Variants in ARNT2 observed in about 807,000 individuals in gnomAD.
ARNT2 encodes ARNT protein 2.
A neutral mutation model predicts 91.7 loss-of-function variants in ARNT2; 36 were observed. That is an observed-to-expected ratio of 0.39 (90% CI 0.30 to 0.52). The LOEUF (loss-of-function observed/expected upper bound fraction) is 0.52. Among genes scored for constraint, ARNT2 ranks in the 20% least tolerant of loss-of-function variants. ARNT2 has a pLI of 0.72. For missense variants in ARNT2, 775 were observed against 939.3 expected (o/e 0.83, Z 2.29); for synonymous variants, 365 against 347.1 (o/e 1.05, Z -0.57).
intron 1 of ARNT2, among the ~76,000 whole-genome samples, chr15:80,431,055 C>T (rs771066325): frequency 5.3e-5 from 8 of 152,082 alleles, no homozygotes; most frequent in East Asian, 1.9e-4. Context: ...TCCAATGTCA[C>T]GATCCCCCCA....
At position 80,522,818 on chromosome 15, in the gene ARNT2, G is replaced by GTA. The variant is rs1346650426; in HGVS notation, c.877+8414_877+8415insAT. On this transcript the variant is annotated intron_variant, in intron 8 of 18. Coordinates refer to ENST00000303329, the MANE Select transcript of ARNT2 (RefSeq NM_014862.4). ...TACATATGTGTGTGTGTGTGTGTGT[G>GTA]TGTATATATATATATATACACACAT... Among the ~76,000 whole-genome samples the GTA allele has an allele frequency of 5.9e-4, 66 of 112,222 alleles. 1 individual carries two copies. Among genetic ancestry groups the GTA allele is most frequent in the African/African-American group, 1.3e-3 (35 of 27,626 alleles). 73.6% of individuals were successfully genotyped at this position (112,222 alleles called of 152,430 possible).
intron 3 of ARNT2, among the ~76,000 whole-genome samples, chr15:80,467,843 T>C (rs1248861526): frequency 6.6e-6 from 1 of 152,098 alleles, no homozygotes; most frequent in Non-Finnish European, 1.5e-5. Context: ...GCAGGAGACG[T>C]TGGTGAAGAC....
intron 13 of ARNT2, among the ~76,000 whole-genome samples, 179 bp from the exon 14 acceptor site, chr15:80,574,808 C>T (rs1352005342): frequency 5.3e-5 from 8 of 152,176 alleles, no homozygotes; most frequent in East Asian, 1.9e-4. Flanking sequence ...ACCCCCTCAC[C>T]GGCTTTTCTT....
chr15:80,547,042 C>G (rs1462484277), intron 8 of ARNT2, among the ~76,000 whole-genome samples: 1 of 151,624 alleles, frequency 6.6e-6, no homozygotes, highest in Non-Finnish European at 1.5e-5. Flanking sequence ...TAAAAAGAGA[C>G]AAGATGAGGT....
intron 1 of ARNT2, among the ~76,000 whole-genome samples, chr15:80,408,481 T>C (rs1895634572): frequency 6.6e-6 from 1 of 152,216 alleles, no homozygotes; most frequent in South Asian, 2.1e-4. Context: ...CATTTTGCGC[T>C]GATGGCTGGC....
At position 80,536,458 on chromosome 15, in the gene ARNT2, G is replaced by GGGGGGAAAT. The variant is rs1897825102; in HGVS notation, c.878-14738_878-14737insGGAAATGGG. Among the ~76,000 whole-genome samples, 4 of 152,190 alleles carry GGGGGGAAAT rather than the reference G, an allele frequency of 2.6e-5. 1 individual carries two copies. The South Asian group carries it at 8.3e-4, about 32-fold the overall frequency. ...ACTGTGCACCTGGTTGACAAGGAAA[G>GGGGGGAAAT]GGGAAGATGGAGCCACCCTATTGGA... is the stretch of plus-strand genomic sequence containing the variant. On this transcript the variant is annotated intron_variant, in intron 8 of 18. Transcript: ENST00000303329.
chr15:80,485,357 A>T (rs1291426624), intron 5 of ARNT2, among the ~76,000 whole-genome samples: 2 of 152,174 alleles, frequency 1.3e-5, no homozygotes, highest in Non-Finnish European at 2.9e-5. Context: ...TCATTCATCC[A>T]TTCATCCAGC....
rs972977320 is a variant in ARNT2 at position 80,491,132 on chromosome 15, G to T, written c.622+15909G>T. Among the ~76,000 whole-genome samples the T allele has an allele frequency of 9.2e-5, 14 of 152,278 alleles. 2 individuals are homozygous for T. The highest frequency in any genetic ancestry group is 2.0e-4 in the Admixed American group (3 of 15,302). ...GCATAGCATGTGAAAAGGCTCTGGGGCAGGGAAGGTATTGGTGGCTCTGGG... is the reference window on the plus strand; with the variant it reads ...GCATAGCATGTGAAAAGGCTCTGGGTCAGGGAAGGTATTGGTGGCTCTGGG... On this transcript the variant is annotated intron_variant, in intron 5 of 18. Coordinates refer to ENST00000303329, the MANE Select transcript of ARNT2 (RefSeq NM_014862.4).
At chr15:80,468,428 C>T (rs762528920) in intron 3 of ARNT2, among the ~76,000 whole-genome samples, 1 of 152,140 alleles carries the variant, frequency 6.6e-6, no homozygotes, top group Admixed American at 6.5e-5. Flanking sequence ...CTCCTCGGCC[C>T]CTCTACTCCA....
chr15:80,525,289 T>C lies in ARNT2; in HGVS notation c.877+10884T>C, dbSNP rs565983223. Among the ~76,000 whole-genome samples the C allele has an allele frequency of 2.6e-5, 4 of 152,306 alleles. No homozygotes were observed. In the South Asian group the frequency reaches 8.3e-4, roughly 32 times the overall value. On this transcript the variant is annotated intron_variant, in intron 8 of 18. Coordinates refer to ENST00000303329, the MANE Select transcript of ARNT2 (RefSeq NM_014862.4). ...GTTCTGGAAAACAACACCATCTCCA[T>C]ACATGATGATAATAGCATGCCTACA...
rs1898102258 is a variant in ARNT2 at position 80,552,648 on chromosome 15, C to T, written c.963C>T (p.Ser321=). The change falls in exon 10 of 19, where the codon AGC becomes AGT. Residue 321 remains serine (S), a synonymous_variant. Transcript: ENST00000303329. ...LVAIGRLQVT[S]SPVCMDMNGM... ...GATTTTCCCCATCCCAGGTGACCAG[C>T]TCTCCTGTATGCATGGACATGAATG... 1.2e-6 allele frequency: 2 copies of T among 1,614,000 alleles called. No individual in the cohort carries two copies. Among genetic ancestry groups the T allele is most frequent in the Non-Finnish European group, 1.7e-6 (2 of 1,179,930 alleles).
Position 80,594,737 on chromosome 15 carries a change from G to C in ARNT2, c.*1039G>C, listed in dbSNP as rs963519722. The C allele has an allele frequency of 2.6e-5, 4 of 152,380 alleles. No homozygotes were observed. The allele number at this position is 152,380 out of a possible 1,614,324, so 9.4% of individuals were successfully genotyped here. ...CTGCCCAGAGCCTGCAGGACAGCAC[G>C]CCTTGAGGTCAGAGGCCTGGCCCTT... On this transcript the variant is annotated 3_prime_UTR_variant, in exon 19 of 19. Transcript: ENST00000303329.
intron 6 of ARNT2, among the ~76,000 whole-genome samples, chr15:80,510,435 T>C (rs1041748581): frequency 6.6e-6 from 1 of 151,576 alleles, no homozygotes; most frequent in South Asian, 2.1e-4. Context: ...CGGCCAACAA[T>C]CATATATAAA....
intron 2 of ARNT2, among the ~76,000 whole-genome samples, chr15:80,454,952 G>T (rs777693953): frequency 1.5e-4 from 23 of 152,102 alleles, no homozygotes; most frequent in Non-Finnish European, 3.1e-4. Flanking sequence ...TCCATTCACT[G>T]TGTTGAATTA....
chr15:80,462,708 A>G (rs1046306638), intron 3 of ARNT2, among the ~76,000 whole-genome samples: 1 of 152,216 alleles, frequency 6.6e-6, no homozygotes, highest in African/African-American at 2.4e-5. Context: ...AATGGCTGCA[A>G]GTGACCCCAT....
At chr15:80,538,214 A>C (rs973536001) in intron 8 of ARNT2, among the ~76,000 whole-genome samples, 1 of 152,228 alleles carries the variant, frequency 6.6e-6, no homozygotes, top group East Asian at 1.9e-4. Flanking sequence ...TTATACCTTT[A>C]ATGTACTTTT....
At chr15:80,514,654 A>G (rs1197969347) in intron 8 of ARNT2, among the ~76,000 whole-genome samples, 2 of 152,234 alleles carry the variant, frequency 1.3e-5, no homozygotes, top group African/African-American at 4.8e-5. Flanking sequence ...TGGGGGGCCA[A>G]GGCGGGTGGA....
At chr15:80,444,847 T>A (rs1896268652) in intron 1 of ARNT2, 1 of 149,450 alleles carries the variant, frequency 6.7e-6, no homozygotes, top group Non-Finnish European at 1.5e-5. Flanking sequence ...GGTGTGTATG[T>A]GTTGAGTGAT....
Position 80,450,861 on chromosome 15 carries a change from T to C in ARNT2, c.32-19T>C, listed in dbSNP as rs753056089. The C allele has an allele frequency of 1.4e-5, 23 of 1,613,110 alleles. No individual in the cohort carries two copies. Among genetic ancestry groups the C allele is most frequent in the Non-Finnish European group, 1.9e-5 (22 of 1,179,048 alleles). ...CTTTTCTGGCATTGACAAAACCTCT[T>C]GTCTTTGCTGAATTCCAGAAATGGC... On this transcript the variant is annotated intron_variant, in intron 1 of 18. Coordinates refer to ENST00000303329, the MANE Select transcript of ARNT2 (RefSeq NM_014862.4).
Sources: gnomAD v4.1 joint callset for allele counts (sites outside exome capture counted in the v4.1 genomes callset) on GRCh38, gnomAD v4.1.1 for gene constraint, MANE v1.5 for transcripts, NCBI Gene and HGNC (gene_info 2026-07-23, HGNC 2026-07-21) for gene names.